Variants in MYLK4 observed in about 807,000 individuals in gnomAD.
The protein encoded by MYLK4 is caMLCK like.
A neutral mutation model predicts 48.1 loss-of-function variants in MYLK4; 46 were observed. The observed-to-expected ratio is 0.96, with a 90% confidence interval of 0.75 to 1.22. The LOEUF (loss-of-function observed/expected upper bound fraction) is 1.22. Among genes scored for constraint, MYLK4 ranks in the 50% most tolerant of loss-of-function variants. The probability of loss-of-function intolerance (pLI) is 0.00; values close to 1 mark genes in which losing one functional copy is unlikely to be tolerated. For missense variants in MYLK4, 451 were observed against 486.1 expected (o/e 0.93, Z 0.68); for synonymous variants, 170 against 180.8 (o/e 0.94, Z 0.48).
chr6:2,759,613 G>A, the MYLK4 span, among the ~76,000 whole-genome samples: 1 of 152,068 alleles, frequency 6.6e-6, no homozygotes, highest in Admixed American at 6.6e-5. Context: ...CACTCTTGTA[G>A]TATCTTCTGC....
Position 2,675,144 on chromosome 6 carries a change from G to A in MYLK4, c.1041-19C>T. The A allele has an allele frequency of 1.3e-6, 2 of 1,597,276 alleles. No individual in the cohort carries two copies. Among genetic ancestry groups the A allele is most frequent in the Non-Finnish European group, 1.7e-6 (2 of 1,164,922 alleles). On this transcript the variant is annotated intron_variant, in intron 10 of 12. Transcript: ENST00000274643. ...TCGCCAACTAGAAGGAAATTCAGAA[G>A]GTGATTAGTAGAAACACACCGAAGA...
chr6:2,718,179 C>CAAAA (rs10590230), intron 2 of MYLK4, among the ~76,000 whole-genome samples: 1 of 133,314 alleles, frequency 7.5e-6, no homozygotes, highest in African/African-American at 2.8e-5. Context: ...AACTCTGTCT[C>CAAAA]AAAAAAAAAA....
upstream of MYLK4, among the ~76,000 whole-genome samples, chr6:2,752,683 G>A (rs1048745975): frequency 4.6e-5 from 7 of 152,102 alleles, no homozygotes; most frequent in African/African-American, 1.2e-4. Context: ...CTGGAGTTCC[G>A]GGGAGGGGTG....
intron 2 of MYLK4, among the ~76,000 whole-genome samples, chr6:2,726,829 T>A (rs1021773639): frequency 2.6e-5 from 4 of 152,040 alleles, no homozygotes; most frequent in Admixed American, 1.3e-4. Flanking sequence ...GCCAGGCTGG[T>A]CTTGAACTCC....
At chr6:2,676,661 A>G (rs937684584) in intron 10 of MYLK4, among the ~76,000 whole-genome samples, 2 of 152,178 alleles carry the variant, frequency 1.3e-5, no homozygotes, top group Non-Finnish European at 2.9e-5. Flanking sequence ...CATCGGCCCA[A>G]ATGGGCATCT....
intron 2 of MYLK4, among the ~76,000 whole-genome samples, chr6:2,697,487 G>A (rs559784973): frequency 6.6e-6 from 1 of 152,182 alleles, no homozygotes; most frequent in Non-Finnish European, 1.5e-5. Flanking sequence ...GGGCGGCATC[G>A]GTCCACAGGC....
At chr6:2,682,384 G>A (rs903172737) in intron 7 of MYLK4, among the ~76,000 whole-genome samples, 1 of 152,110 alleles carries the variant, frequency 6.6e-6, no homozygotes, top group Non-Finnish European at 1.5e-5. Flanking sequence ...CATGAGAGAG[G>A]TAAAGAGGGA....
the MYLK4 span, chr6:2,768,653 A>T: frequency 2.7e-5 from 42 of 1,548,632 alleles, no homozygotes; most frequent in Non-Finnish European, 3.3e-5. Context: ...TCTGTGTCTT[A>T]CCAGCTTTTC....
chr6:2,684,767 A>G (rs1398457924), intron 6 of MYLK4, among the ~76,000 whole-genome samples: 1 of 152,216 alleles, frequency 6.6e-6, no homozygotes, highest in Admixed American at 6.5e-5. Flanking sequence ...GCAAAAGACT[A>G]TGCCATTTTA....
At chr6:2,762,335 C>G in the MYLK4 span, among the ~76,000 whole-genome samples, 1 of 152,140 alleles carries the variant, frequency 6.6e-6, no homozygotes, top group African/African-American at 2.4e-5. Flanking sequence ...TGAAACACGT[C>G]CTAAGAGACT....
chr6:2,727,882 G>A (rs1763332157), intron 2 of MYLK4, among the ~76,000 whole-genome samples: 1 of 150,338 alleles, frequency 6.7e-6, no homozygotes, highest in African/African-American at 2.5e-5. Context: ...GGGAGGCAGA[G>A]GTTGCAGTGA....
intron 2 of MYLK4, among the ~76,000 whole-genome samples, chr6:2,700,847 G>C (rs1344936987): frequency 6.6e-6 from 1 of 152,216 alleles, no homozygotes; most frequent in African/African-American, 2.4e-5. Flanking sequence ...GGAGGACTCA[G>C]GCTGAGGTGG....
chr6:2,673,302 A>G lies in MYLK4; in HGVS notation c.1119+1745T>C, dbSNP rs961491367. Among the ~76,000 whole-genome samples, 5 of 152,234 alleles carry G rather than the reference A, an allele frequency of 3.3e-5. No homozygotes were observed. The highest frequency in any genetic ancestry group is 1.2e-4 in the African/African-American group (5 of 41,460). On this transcript the variant is annotated intron_variant, in intron 11 of 12. Coordinates refer to ENST00000274643, the MANE Select transcript of MYLK4 (RefSeq NM_001012418.5). This position sits in a 1 kb window ranked among gnomAD's most constrained non-coding sequence, Gnocchi z 4.2. ...GTCTGGGTGAGGTACCCACTAGGTA[A>G]TAAGTCTATTTTTACTTGACATCAG...
intron 4 of MYLK4, among the ~76,000 whole-genome samples, chr6:2,686,460 A>C (rs1227669910): frequency 6.6e-6 from 1 of 152,270 alleles, no homozygotes; most frequent in African/African-American, 2.4e-5. Flanking sequence ...AATCACATAC[A>C]GATGTGCACA....
At chr6:2,766,285 G>T in the MYLK4 span, 2 of 1,594,478 alleles carry the variant, frequency 1.3e-6, no homozygotes, top group Non-Finnish European at 1.7e-6. Flanking sequence ...TCCGACAGAT[G>T]CTACAGGGCA....
At chr6:2,763,487 C>T in the MYLK4 span, among the ~76,000 whole-genome samples, 98 of 152,220 alleles carry the variant, frequency 6.4e-4, no homozygotes, top group Non-Finnish European at 1.1e-3. Context: ...GAGGCAACTA[C>T]GGCCTGGCGA....
chr6:2,759,327 G>C, the MYLK4 span, among the ~76,000 whole-genome samples: 1 of 152,098 alleles, frequency 6.6e-6, no homozygotes, highest in African/African-American at 2.4e-5. Flanking sequence ...GGTTGGTCTT[G>C]AACTCCTGGG....
chr6:2,684,228 A>T (rs1407955929), intron 6 of MYLK4, among the ~76,000 whole-genome samples: 1 of 152,158 alleles, frequency 6.6e-6, no homozygotes, highest in Admixed American at 6.5e-5. Flanking sequence ...TCGGCTACTA[A>T]GTGACTAACC....
At chr6:2,719,315 A>G (rs58421728) in intron 2 of MYLK4, among the ~76,000 whole-genome samples, 28,494 of 152,156 alleles carry the variant, frequency 0.19, 2,865 homozygotes, top group African/African-American at 0.24. Context: ...CAATGGTATT[A>G]AAAAGAAACA....
Sources: gnomAD v4.1 joint callset for allele counts (sites outside exome capture counted in the v4.1 genomes callset) on GRCh38, gnomAD v4.1.1 for gene constraint, Gnocchi (gnomAD v3.1) non-coding constraint, MANE v1.5 for transcripts, NCBI Gene and HGNC (gene_info 2026-07-23, HGNC 2026-07-21) for gene names.